Variants in RCN1 observed in about 807,000 individuals in gnomAD.
RCN1 encodes the protein reticulocalbin-1.
RCN1 carries 14 observed loss-of-function variants against 34.7 expected under a neutral mutation model. The ratio of observed to expected loss-of-function variants is 0.40; its 90% CI spans 0.27 to 0.63. The LOEUF (loss-of-function observed/expected upper bound fraction) is 0.63, where lower values mean the gene tolerates loss of function less well. RCN1 is among the 30% of genes least tolerant of loss of function. RCN1 has a pLI of 0.37. For synonymous variants in RCN1, 125 were observed against 165.5 expected, an observed-to-expected ratio of 0.76 and a Z score of 1.88; for missense variants, 326 against 425.1, an observed-to-expected ratio of 0.77 and a Z score of 2.05.
In RCN1 at chr11:32,100,574, C is replaced by T. The variant is rs371106228; in HGVS notation, c.654C>T (p.Asn218=). 1.5e-5 allele frequency: 25 copies of T among 1,613,906 alleles called. No homozygotes were observed. Among genetic ancestry groups the T allele is most frequent in the East Asian group, 2.2e-5 (1 of 44,890 alleles). The change falls in exon 4 of 6, where the codon AAC becomes AAT. Residue 218 remains asparagine, a synonymous_variant. Transcript: ENST00000054950. Reference sequence around the variant, plus strand: ...AAACCCTGGAGGACATCGACAAGAACGGGGATGGGTTTGTGGATCAGGATG... The same window carrying T: ...AAACCCTGGAGGACATCGACAAGAATGGGGATGGGTTTGTGGATCAGGATG... ...VLETLEDIDK[N]GDGFVDQDEY...
In RCN1 at chr11:32,098,443, A is replaced by G. The variant is rs1377169846; in HGVS notation, c.542A>G (p.Asn181Ser). 24 of 1,613,998 alleles carry G rather than the reference A, an allele frequency of 1.5e-5. No individual in the cohort carries two copies. Among genetic ancestry groups the G allele is most frequent in the East Asian group, 2.2e-5 (1 of 44,890 alleles). ...DERRFKAADL[N>S]GDLTATREEF... The stretch of plus-strand genomic sequence containing the variant: ...AGAAGATTCAAAGCTGCAGACCTCA[A>G]TGGTGACCTGACAGCTACTCGGGAG... Residue 181 changes from asparagine to serine, a missense_variant, in exon 3 of 6, where the codon AAT becomes AGT. Transcript: ENST00000054950.
At chr11:32,092,166 G>A (rs914003355) in intron 1 of RCN1, among the ~76,000 whole-genome samples, 17 of 152,228 alleles carry the variant, frequency 1.1e-4, no homozygotes, top group Admixed American at 9.2e-4. Flanking sequence ...AATTAGCCGG[G>A]CGTCGTGGCA....
At chr11:32,102,854 A>G (rs980142806) in intron 4 of RCN1, 1 of 361,770 alleles carries the variant, frequency 2.8e-6, no homozygotes, top group South Asian at 2.1e-5. Flanking sequence ...CACTTTATAC[A>G]GTATCTGGAC....
At position 32,103,119 on chromosome 11, in the gene RCN1, T is replaced by C. The variant is rs780898968; in HGVS notation, c.689-162T>C. On this transcript the variant is annotated intron_variant, in intron 4 of 5. Transcript: ENST00000054950. The stretch of plus-strand genomic sequence containing the variant: ...ATGGCCTTCATCATGAATAAATTAC[T>C]GCATCATTATCCCCAAGAAGCTGCC... The C allele has an allele frequency of 7.8e-5, 53 of 679,874 alleles. No homozygotes were observed. The African/African-American group carries it at 8.8e-4, about 11-fold the overall frequency. The allele number at this position is 679,874 out of a possible 1,614,324, so 42.1% of individuals were successfully genotyped here.
intron 5 of RCN1, among the ~76,000 whole-genome samples, 154 bp from the exon 6 acceptor site, chr11:32,104,211 G>A (rs1011728734): frequency 2.0e-5 from 3 of 152,184 alleles, no homozygotes; most frequent in Non-Finnish European, 4.4e-5. Flanking sequence ...GTTTTGCAAT[G>A]CAGTCATGGT....
intron 1 of RCN1, among the ~76,000 whole-genome samples, chr11:32,095,799 T>C (rs556688731): frequency 7.8e-4 from 119 of 152,188 alleles, no homozygotes; most frequent in Non-Finnish European, 1.3e-3. Flanking sequence ...ACCTCAGTCC[T>C]CCCACCTCAG....
intron 3 of RCN1, 70 bp downstream of exon 3, chr11:32,098,598 C>A: frequency 1.6e-6 from 2 of 1,232,796 alleles, no homozygotes; most frequent in Non-Finnish European, 2.2e-6. Context: ...TTGTCTCTTC[C>A]AAAGAGAGAA....
In RCN1 at chr11:32,099,917, C is replaced by A. The variant is rs1350828632; in HGVS notation, c.628-631C>A. ...TGAATGATCCCGAGTAGACTACGAGCCTTTGGGAGTGGCTCTCTGCTCTCA... is the reference window on the plus strand; with the variant it reads ...TGAATGATCCCGAGTAGACTACGAGACTTTGGGAGTGGCTCTCTGCTCTCA... On this transcript the variant is annotated intron_variant, in intron 3 of 5. Transcript: ENST00000054950. Among the ~76,000 whole-genome samples the A allele has an allele frequency of 2.0e-5, 3 of 152,150 alleles. No homozygotes were observed. In the East Asian group the frequency reaches 5.8e-4, roughly 29 times the overall value.
intron 1 of RCN1, chr11:32,091,856 C>G (rs1851925538): frequency 4.6e-6 from 1 of 216,474 alleles, no homozygotes; most frequent in Admixed American, 6.2e-5. Context: ...ATCCCCCACT[C>G]CCGGGGAGAA....
At chr11:32,102,126 G>A (rs4922891) in intron 4 of RCN1, 71,948 of 151,712 alleles carry the variant, frequency 0.47, 17,611 homozygotes, top group East Asian at 0.67. Context: ...CTCTTCAAGC[G>A]GCACCAAGTG....
chr11:32,103,381 G>A lies in RCN1; in HGVS notation c.789G>A (p.Lys263=), dbSNP rs756086709. The A allele has an allele frequency of 1.2e-6, 2 of 1,613,600 alleles. No homozygotes were observed. The highest frequency in any genetic ancestry group is 2.7e-5 in the African/African-American group (2 of 74,928). The change falls in exon 5 of 6, where the codon AAG becomes AAA. Residue 263 remains lysine (K), a synonymous_variant. Coordinates refer to ENST00000054950, the MANE Select transcript of RCN1 (RefSeq NM_002901.4). ...TCCGGGATCTGAACAAGGACGGGAA[G>A]TTAGACAAAGATGAGATTCGCCACT... ...NEFRDLNKDG[K]LDKDEIRHWI... is the part of the protein sequence containing the mutation.
rs1852099982 is a variant in RCN1 at position 32,105,414 on chromosome 11, A to G, written c.*942A>G. On this transcript the variant is annotated 3_prime_UTR_variant, in exon 6 of 6. Transcript: ENST00000054950. ...CTGTCCCCCCGCAACAGCTTATACC[A>G]TGGAATGAGGACAAGGTGATACTCT... 1 of 152,334 alleles carries G rather than the reference A, an allele frequency of 6.6e-6. No individual in the cohort carries two copies. The highest frequency in any genetic ancestry group is 2.4e-5 in the African/African-American group (1 of 41,424). The allele number at this position is 152,334 out of a possible 1,614,324, so 9.4% of individuals were successfully genotyped here. A position where few individuals can be genotyped will look rare whatever the true frequency, so the allele number is the denominator to read the frequency against.
chr11:32,103,249 C>A lies in RCN1; in HGVS notation c.689-32C>A, dbSNP rs754120388. ...TGGGGGAGGTTTACCTTCCCACTTT[C>A]CTTTGTAACCAACAATAACCTTCCC... On this transcript the variant is annotated intron_variant, in intron 4 of 5. Transcript: ENST00000054950. The A allele has an allele frequency of 2.5e-6, 4 of 1,606,624 alleles. No homozygotes were observed. In the South Asian group the frequency reaches 4.4e-5, roughly 18 times the overall value.
chr11:32,091,969 T>C (rs1052961910), intron 1 of RCN1, among the ~76,000 whole-genome samples: 1 of 152,102 alleles, frequency 6.6e-6, no homozygotes, highest in Non-Finnish European at 1.5e-5. Context: ...TCGGCCGCAG[T>C]GGTCTTGCCT....
chr11:32,097,187 A>G lies in RCN1; in HGVS notation c.298A>G (p.Thr100Ala). ...CGACAATGATGGGGATGGCTTTGTC[A>G]CTACTGAGGAGCTGAAAACCTGGAT... The part of the protein sequence containing the change: ...RIDNDGDGFV[T>A]TEELKTWIKR... The change falls in exon 2 of 6, where the codon ACT becomes GCT. Residue 100 changes from threonine to alanine, a missense_variant. Thr to Ala is a moderately conservative substitution (Grantham distance 58). Coordinates refer to ENST00000054950, the MANE Select transcript of RCN1 (RefSeq NM_002901.4). The G allele has an allele frequency of 6.3e-7, 1 of 1,575,432 alleles. No homozygotes were observed. The highest frequency in any genetic ancestry group is 8.6e-7 in the Non-Finnish European group (1 of 1,168,386).
Position 32,103,495 on chromosome 11 carries a change from T to C in RCN1, c.888+15T>C. 1.2e-6 allele frequency: 2 copies of C among 1,608,152 alleles called. No homozygotes were observed. The highest frequency in any genetic ancestry group is 1.7e-6 in the Non-Finnish European group (2 of 1,174,570). On this transcript the variant is annotated intron_variant, in intron 5 of 5. Transcript: ENST00000054950. ...ACAAAAACAAGGTATTTCCCATTCTTCTGGAATCACTGATTGAAGGGAGAC... is the reference window on the plus strand; with the variant it reads ...ACAAAAACAAGGTATTTCCCATTCTCCTGGAATCACTGATTGAAGGGAGAC...
intron 1 of RCN1, chr11:32,096,904 C>T: frequency 2.2e-6 from 1 of 447,258 alleles, no homozygotes; most frequent in East Asian, 3.6e-5. Context: ...GACAGAGGGG[C>T]ACGATCCATT....
intron 1 of RCN1, among the ~76,000 whole-genome samples, chr11:32,092,174 G>C (rs1047024976): frequency 2.0e-5 from 3 of 152,026 alleles, no homozygotes; most frequent in African/African-American, 4.8e-5. Context: ...GGGCGTCGTG[G>C]CACACGCCTG....
chr11:32,102,226 A>AT (rs1408870477), intron 4 of RCN1: 1 of 151,720 alleles, frequency 6.6e-6, no homozygotes, highest in Non-Finnish European at 1.5e-5. Flanking sequence ...TGGGGTAATC[A>AT]TGTAATGGCT....
Sources: gnomAD v4.1 joint callset for allele counts (sites outside exome capture counted in the v4.1 genomes callset) on GRCh38, gnomAD v4.1.1 for gene constraint, MANE v1.5 for transcripts, NCBI Gene and HGNC (gene_info 2026-07-23, HGNC 2026-07-21) for gene names.